Variants in PAIP2B observed in about 807,000 individuals in gnomAD.
PAIP2B encodes poly(A) binding protein interacting protein 2B, also known as polyadenylate-binding protein-interacting protein 2B.
PAIP2B carries 13 observed loss-of-function variants against 17.0 expected under a neutral mutation model. The observed-to-expected ratio is 0.76, with a 90% CI of 0.50 to 1.22. The LOEUF (loss-of-function observed/expected upper bound fraction) is 1.22, where lower values mean the gene tolerates loss of function less well. Ranked by LOEUF, PAIP2B falls within the 50% of genes most tolerant of loss-of-function variation. The probability of loss-of-function intolerance (pLI) is 0.00; values close to 1 mark genes in which losing one functional copy is unlikely to be tolerated. For synonymous variants in PAIP2B, 43 were observed against 48.7 expected (o/e 0.88, Z 0.48); for missense variants, 117 against 144.5 (o/e 0.81, Z 0.98).
chr2:71,207,339 C>T (rs1049548140), intron 1 of PAIP2B, among the ~76,000 whole-genome samples: 5 of 151,932 alleles, frequency 3.3e-5, no homozygotes, highest in African/African-American at 1.2e-4. Context: ...AGGGAATTTT[C>T]GGGAACTACA....
intron 2 of PAIP2B, among the ~76,000 whole-genome samples, chr2:71,201,008 G>GTGT (rs1674967984): frequency 1.9e-4 from 6 of 32,308 alleles, no homozygotes; most frequent in Admixed American, 1.9e-3. Context: ...TGTGTGTGTG[G>GTGT]GTGTGTGTGT....
intron 1 of PAIP2B, among the ~76,000 whole-genome samples, chr2:71,212,673 T>C (rs1234327748): frequency 1.3e-5 from 2 of 152,110 alleles, no homozygotes; most frequent in Non-Finnish European, 2.9e-5. Context: ...AGACTGGTCT[T>C]GAACTCCTGG....
intron 1 of PAIP2B, among the ~76,000 whole-genome samples, chr2:71,215,152 T>A (rs554252715): frequency 6.6e-6 from 1 of 152,296 alleles, no homozygotes; most frequent in Non-Finnish European, 1.5e-5. Context: ...TGGTGAAAAT[T>A]CACCTGGGAC....
chr2:71,225,971 C>T (rs2103839616), intron 1 of PAIP2B, among the ~76,000 whole-genome samples: 1 of 152,324 alleles, frequency 6.6e-6, no homozygotes, highest in Non-Finnish European at 1.5e-5. Flanking sequence ...GGCCCTTACA[C>T]TACAAACTCC....
At chr2:71,218,919 C>CTT (rs869124496) in intron 1 of PAIP2B, among the ~76,000 whole-genome samples, 1 of 138,098 alleles carries the variant, frequency 7.2e-6, no homozygotes, top group Non-Finnish European at 1.6e-5. Context: ...CTTTTTTTTT[C>CTT]TTTTTTTTTT....
chr2:71,192,488 G>C (rs1344797224), intron 2 of PAIP2B, among the ~76,000 whole-genome samples: 2 of 151,838 alleles, frequency 1.3e-5, no homozygotes, highest in African/African-American at 4.8e-5. Context: ...TACACGTGAA[G>C]GTTACATAAA....
At chr2:71,188,608 C>G in intron 3 of PAIP2B, 73 bp from the exon 4 acceptor site, 1 of 1,241,682 alleles carries the variant, frequency 8.1e-7, no homozygotes, top group Non-Finnish European at 1.2e-6. Flanking sequence ...CCATCATTAT[C>G]AGTACCTTCC....
At position 71,202,549 on chromosome 2, in the gene PAIP2B, T is replaced by G; in HGVS notation, c.41A>C (p.Lys14Thr). The part of the protein sequence containing the change: ...SNMANTSPSV[K>T]SKEDQGLSGH... ...ACTTAACCCCTGGTCCTCTTTGGAT[T>G]TTACACTCGGTGATGTATTTGCCAT... The change falls in exon 2 of 4, where the codon AAA becomes ACA. Residue 14 changes from lysine to threonine, a missense_variant. Coordinates refer to ENST00000244221, the MANE Select transcript of PAIP2B (RefSeq NM_020459.1). The G allele has an allele frequency of 1.9e-6, 3 of 1,613,800 alleles. No homozygotes were observed. The highest frequency in any genetic ancestry group is 2.5e-6 in the Non-Finnish European group (3 of 1,179,748).
chr2:71,195,496 G>C (rs562615441), intron 2 of PAIP2B, among the ~76,000 whole-genome samples: 1 of 152,168 alleles, frequency 6.6e-6, no homozygotes, highest in Non-Finnish European at 1.5e-5. Context: ...AGGTTTTCTA[G>C]TTCATGTGTG....
chr2:71,189,639 G>T (rs188314007), intron 3 of PAIP2B, among the ~76,000 whole-genome samples: 43 of 152,292 alleles, frequency 2.8e-4, no homozygotes, highest in African/African-American at 1.0e-3. Context: ...CGTGATGCTG[G>T]CAACAGTAAT....
chr2:71,196,655 C>T (rs915330381), intron 2 of PAIP2B, among the ~76,000 whole-genome samples: 5 of 151,820 alleles, frequency 3.3e-5, no homozygotes, highest in African/African-American at 1.2e-4. Flanking sequence ...TCTTTTTGCA[C>T]CCAGATTCAT....
chr2:71,190,633 T>C (rs867346593), intron 2 of PAIP2B, among the ~76,000 whole-genome samples: 2 of 152,222 alleles, frequency 1.3e-5, no homozygotes, highest in Non-Finnish European at 2.9e-5. Flanking sequence ...CGATCTCTAA[T>C]AGGTGATACA....
intron 1 of PAIP2B, among the ~76,000 whole-genome samples, chr2:71,204,173 TCCATAAATA>T (rs141213168): frequency 0.24 from 37,174 of 151,868 alleles, 4,951 homozygotes; most frequent in African/African-American, 0.31. Flanking sequence ...TATTATGAGT[TCCATAAATA>T]CCTGAGGCTT....
intron 1 of PAIP2B, among the ~76,000 whole-genome samples, chr2:71,213,513 C>T (rs1303134800): frequency 6.6e-6 from 1 of 152,100 alleles, no homozygotes; most frequent in African/African-American, 2.4e-5. Context: ...AATGAGGGCA[C>T]AGTGCTAGAC....
At chr2:71,190,217 T>C (rs990661817) in intron 2 of PAIP2B, among the ~76,000 whole-genome samples, 196 bp from the exon 3 acceptor site, 13 of 152,042 alleles carry the variant, frequency 8.6e-5, no homozygotes, top group African/African-American at 3.1e-4. Flanking sequence ...GCCAGGAGGT[T>C]TGAGACCAGC....
At chr2:71,221,437 T>G (rs1201315228) in intron 1 of PAIP2B, among the ~76,000 whole-genome samples, 1 of 152,144 alleles carries the variant, frequency 6.6e-6, no homozygotes, top group African/African-American at 2.4e-5. Context: ...CCTCCCATTC[T>G]CTCAGGAAGA....
intron 1 of PAIP2B, among the ~76,000 whole-genome samples, chr2:71,219,742 T>G (rs1675529933): frequency 6.6e-6 from 1 of 152,160 alleles, no homozygotes; most frequent in Admixed American, 6.5e-5. Flanking sequence ...TCAAAAATAT[T>G]TAAAATATAA....
chr2:71,207,087 C>T (rs1194765491), intron 1 of PAIP2B, among the ~76,000 whole-genome samples: 1 of 152,022 alleles, frequency 6.6e-6, no homozygotes, highest in Non-Finnish European at 1.5e-5. Flanking sequence ...GGTACACAGC[C>T]CTTGCCCTGG....
intron 2 of PAIP2B, among the ~76,000 whole-genome samples, chr2:71,199,845 G>GC (rs1220886386): frequency 1.3e-5 from 2 of 152,142 alleles, no homozygotes; most frequent in Non-Finnish European, 2.9e-5. Flanking sequence ...GGGCAACATA[G>GC]CAAGACCCCA....
Sources: gnomAD v4.1 joint callset for allele counts (sites outside exome capture counted in the v4.1 genomes callset) on GRCh38, gnomAD v4.1.1 for gene constraint, MANE v1.5 for transcripts, NCBI Gene and HGNC (gene_info 2026-07-23, HGNC 2026-07-21) for gene names.